Variants in TBC1D2B observed in about 807,000 individuals in gnomAD.
The protein encoded by TBC1D2B is TBC1 domain family member 2B.
Under a neutral mutation model 100.8 loss-of-function variants are expected in TBC1D2B, and 64 were observed. The observed-to-expected ratio is 0.64, with a 90% CI of 0.52 to 0.78. The LOEUF (loss-of-function observed/expected upper bound fraction) is 0.78, where lower values mean the gene tolerates loss of function less well. Among genes scored for constraint, TBC1D2B ranks in the 30% least tolerant of loss-of-function variants. The pLI, the probability that TBC1D2B is intolerant of heterozygous loss-of-function variation, is 0.00. For missense variants in TBC1D2B, 1,052 were observed against 1,218.4 expected, an observed-to-expected ratio of 0.86 and a Z score of 2.03; for synonymous variants, 480 against 479.7, an observed-to-expected ratio of 1.00 and a Z score of -0.01.
chr15:78,058,535 C>T (rs1421856604), intron 1 of TBC1D2B, among the ~76,000 whole-genome samples: 1 of 152,218 alleles, frequency 6.6e-6, no homozygotes, highest in Non-Finnish European at 1.5e-5. Flanking sequence ...CGAGTAGGAC[C>T]TTTGAGTGAT....
intron 8 of TBC1D2B, among the ~76,000 whole-genome samples, chr15:78,015,930 G>T (rs557349883): frequency 6.6e-6 from 1 of 152,322 alleles, no homozygotes; most frequent in African/African-American, 2.4e-5. Context: ...CTTCACCTGG[G>T]CCTACAGGGG....
chr15:78,035,546 T>C (rs1469450333), intron 3 of TBC1D2B, among the ~76,000 whole-genome samples: 1 of 152,100 alleles, frequency 6.6e-6, no homozygotes, highest in Non-Finnish European at 1.5e-5. Flanking sequence ...TCCAGCTCCT[T>C]CCCTCCCTCC....
At chr15:78,032,450 T>C (rs908449819) in intron 3 of TBC1D2B, among the ~76,000 whole-genome samples, 1 of 150,086 alleles carries the variant, frequency 6.7e-6, no homozygotes, top group African/African-American at 2.5e-5. Context: ...CACAAAAAGG[T>C]AAAATTCACA....
chr15:78,057,775 G>A (rs1305432403), intron 1 of TBC1D2B, among the ~76,000 whole-genome samples: 1 of 152,224 alleles, frequency 6.6e-6, no homozygotes, highest in East Asian at 1.9e-4. Context: ...GCCCCAAAGG[G>A]CCTTTTCTGA....
rs2141600919 is a variant in TBC1D2B at position 77,996,713 on chromosome 15, A to G, written c.*1447T>C. 6.6e-6 allele frequency: 1 copy of G among 152,386 alleles called. No homozygotes were observed. The highest frequency in any genetic ancestry group is 2.4e-5 in the African/African-American group (1 of 41,588). 9.4% of individuals were successfully genotyped at this position (152,386 alleles called of 1,614,324 possible). A position where few individuals can be genotyped will look rare whatever the true frequency, so the allele number is the denominator to read the frequency against. On this transcript the variant is annotated 3_prime_UTR_variant, in exon 13 of 13. Transcript: ENST00000300584. Reference sequence around the variant, plus strand: ...ATTGCCAAAAAGTTGACAGCAAAAAATAGGAAAAATACTTCTTAAAACTGC... The same window carrying G: ...ATTGCCAAAAAGTTGACAGCAAAAAGTAGGAAAAATACTTCTTAAAACTGC...
chr15:78,038,958 C>T (rs2073011760), intron 3 of TBC1D2B, among the ~76,000 whole-genome samples: 1 of 152,200 alleles, frequency 6.6e-6, no homozygotes, highest in African/African-American at 2.4e-5. Context: ...CGACTTCATG[C>T]TCCTGGGGGC....
At chr15:78,075,462 T>TGCTG (rs2073814105) in intron 1 of TBC1D2B, among the ~76,000 whole-genome samples, 1 of 152,126 alleles carries the variant, frequency 6.6e-6, no homozygotes, top group African/African-American at 2.4e-5. Flanking sequence ...CCTCCCAAAG[T>TGCTG]GCTGGGATTA....
At chr15:77,999,367 A>G (rs2071850243) in intron 12 of TBC1D2B, 2 of 443,004 alleles carry the variant, frequency 4.5e-6, no homozygotes, top group Non-Finnish European at 9.2e-6. Flanking sequence ...GCAACCTTTT[A>G]TGTTTCAAAA....
At chr15:78,040,913 A>AG (rs2073080707) in intron 3 of TBC1D2B, among the ~76,000 whole-genome samples, 1 of 151,710 alleles carries the variant, frequency 6.6e-6, no homozygotes, top group East Asian at 1.9e-4. Context: ...AAAGAAAGAA[A>AG]AGGGAGGCAG....
chr15:78,002,160 G>A lies in TBC1D2B; in HGVS notation c.2575-420C>T, dbSNP rs192866176. On this transcript the variant is annotated intron_variant, in intron 11 of 12. Transcript: ENST00000300584. ...TTTCCATCTCAACTGGTGCACTTTT[G>A]AAGATAGCGAAGGAGTTTTTTTTAA... Among the ~76,000 whole-genome samples the A allele has an allele frequency of 1.3e-4, 20 of 152,232 alleles. 1 individual carries two copies. In the East Asian group the frequency reaches 3.7e-3, roughly 28 times the overall value.
rs77406790 is a variant in TBC1D2B at position 78,007,244 on chromosome 15, C to A, written c.2388+1753G>T. On this transcript the variant is annotated intron_variant, in intron 10 of 12. Transcript: ENST00000300584. ...TCGAAGGCATCTTTACCCTGAGGAG[C>A]CCCAGACAACAGCAGCAGAGGGATG... is the stretch of plus-strand genomic sequence containing the variant. Among the ~76,000 whole-genome samples, 79 of 152,284 alleles carry A rather than the reference C, an allele frequency of 5.2e-4. No homozygotes were observed. The East Asian group carries it at 0.015, about 29-fold the overall frequency.
chr15:78,062,170 G>C (rs905936525), intron 1 of TBC1D2B, among the ~76,000 whole-genome samples: 4 of 152,198 alleles, frequency 2.6e-5, no homozygotes, highest in Admixed American at 1.3e-4. Flanking sequence ...GATTATAAGA[G>C]GGCTGATTAG....
intron 1 of TBC1D2B, among the ~76,000 whole-genome samples, chr15:78,072,368 T>A (rs746284630): frequency 6.6e-6 from 1 of 152,170 alleles, no homozygotes; most frequent in African/African-American, 2.4e-5. Context: ...TGGAAAGCCA[T>A]GAAAAGTTAA....
At chr15:78,024,621 G>T in intron 5 of TBC1D2B, 82 bp from the exon 6 acceptor site, 1 of 1,271,530 alleles carries the variant, frequency 7.9e-7, no homozygotes, top group Non-Finnish European at 1.1e-6. Flanking sequence ...ATTACATGGA[G>T]TAATCGACAG....
In TBC1D2B at chr15:77,998,308, C is replaced by A. The variant is rs373938266; in HGVS notation, c.2744G>T (p.Arg915Leu). The A allele has an allele frequency of 1.9e-6, 3 of 1,602,952 alleles. No individual in the cohort carries two copies. Among genetic ancestry groups the A allele is most frequent in the Non-Finnish European group, 2.6e-6 (3 of 1,175,336 alleles). Reference sequence around the variant, plus strand: ...GTAGGCGCGTCGGTTCCGGATCTGGCGTAGGGGGAAAGGGTTCAGGTCCCC... The same window carrying A: ...GTAGGCGCGTCGGTTCCGGATCTGGAGTAGGGGGAAAGGGTTCAGGTCCCC... ...SFGDLNPFPL[R>L]QIRNRRAYHL... The change falls in exon 13 of 13, where the codon CGC becomes CTC. Residue 915 changes from arginine to leucine, a missense_variant. Coordinates refer to ENST00000300584, the MANE Select transcript of TBC1D2B (RefSeq NM_144572.2).
At chr15:78,074,865 C>T (rs2073803810) in intron 1 of TBC1D2B, among the ~76,000 whole-genome samples, 1 of 152,194 alleles carries the variant, frequency 6.6e-6, no homozygotes, top group Admixed American at 6.5e-5. Flanking sequence ...TTGTTTACTA[C>T]TGCATAATAT....
intron 3 of TBC1D2B, chr15:78,034,523 G>A (rs1343555884): frequency 3.0e-6 from 3 of 985,268 alleles, no homozygotes; most frequent in Non-Finnish European, 3.6e-6. Context: ...GTTCCTAAAG[G>A]GTGAATGCAG....
intron 8 of TBC1D2B, among the ~76,000 whole-genome samples, chr15:78,015,555 G>A (rs1390838199): frequency 2.6e-5 from 4 of 152,222 alleles, no homozygotes; most frequent in Admixed American, 2.0e-4. Flanking sequence ...ACCACGATGA[G>A]CAAAGCAGCA....
At chr15:78,053,952 T>C in intron 2 of TBC1D2B, 82 bp downstream of exon 2, 1 of 1,392,706 alleles carries the variant, frequency 7.2e-7, no homozygotes, top group Non-Finnish European at 9.7e-7. Context: ...CTAAATTCAT[T>C]TTCATTCACT....
Sources: gnomAD v4.1 joint callset for allele counts (sites outside exome capture counted in the v4.1 genomes callset) on GRCh38, gnomAD v4.1.1 for gene constraint, MANE v1.5 for transcripts, NCBI Gene and HGNC (gene_info 2026-07-23, HGNC 2026-07-21) for gene names.